Variants in BRME1 observed in about 807,000 individuals in gnomAD.
BRME1 encodes BRCA2 and MEILB2-associating protein 1.
A neutral mutation model predicts 52.6 loss-of-function variants in BRME1; 31 were observed. That is an observed-to-expected ratio of 0.59 (90% CI 0.44 to 0.80). BRME1 has a LOEUF of 0.80. Among genes scored for constraint, BRME1 ranks in the 30% least tolerant of loss-of-function variants. The pLI, the probability that BRME1 is intolerant of heterozygous loss-of-function variation, is 0.00. For synonymous variants in BRME1, 359 were observed against 353.6 expected (o/e 1.02, Z -0.17); for missense variants, 804 against 860.3 (o/e 0.93, Z 0.82).
At chr19:13,898,417 T>G (rs1444438430) in intron 2 of BRME1, among the ~76,000 whole-genome samples, 1 of 151,904 alleles carries the variant, frequency 6.6e-6, no homozygotes, top group Non-Finnish European at 1.5e-5. Flanking sequence ...AGGATCTCAC[T>G]TGGGTAACAC....
rs200223922 is a variant in BRME1 at position 13,899,590 on chromosome 19, GAACTGAGTGC to G, written c.32-4054_32-4045del. 4.9e-3 allele frequency among the ~76,000 whole-genome samples: 746 copies of G among 152,260 alleles called. 18 individuals carry two copies. The highest frequency in any genetic ancestry group is 0.035 in the Admixed American group (529 of 15,266). On this transcript the variant is annotated intron_variant, in intron 2 of 8. Coordinates refer to ENST00000586783, the MANE Select transcript of BRME1 (RefSeq NM_001345843.2). ...TACAGCTGGAGGATCTCCAGGGCAG[GAACTGAGTGC>G]AATGCACCCTTTGATCTCCCCTTCG...
At position 13,889,443 on chromosome 19, in the gene BRME1, C is replaced by G. The variant is rs1340873988; in HGVS notation, c.1413G>C (p.Glu471Asp). ...LGGQNLERDL[E>D]GFRVSPQASV... ...AGGCTTGCGGGGACACACGGAACCC[C>G]TCGAGGTCTCGTTCGAGGTTCTGGC... is the stretch of plus-strand genomic sequence containing the variant. Residue 471 changes from glutamate (E) to aspartate (D), a missense_variant, in exon 6 of 9, where the codon GAG becomes GAC. Coordinates refer to ENST00000586783, the MANE Select transcript of BRME1 (RefSeq NM_001345843.2). 2.5e-6 allele frequency: 4 copies of G among 1,613,900 alleles called. No individual in the cohort carries two copies. The highest frequency in any genetic ancestry group is 3.4e-6 in the Non-Finnish European group (4 of 1,180,044).
At chr19:13,902,097 C>A (rs1970334912) in intron 2 of BRME1, among the ~76,000 whole-genome samples, 1 of 151,078 alleles carries the variant, frequency 6.6e-6, no homozygotes, top group Non-Finnish European at 1.5e-5. Flanking sequence ...AATCCCAGCA[C>A]TTTGGCTGAG....
Position 13,890,491 on chromosome 19 carries a change from G to T in BRME1, c.394-29C>A, listed in dbSNP as rs750394425. The T allele has an allele frequency of 3.5e-5, 51 of 1,451,044 alleles. No homozygotes were observed. The African/African-American group carries it at 5.8e-4, about 17-fold the overall frequency. The allele number at this position is 1,451,044 out of a possible 1,614,324, so 89.9% of individuals were successfully genotyped here. On this transcript the variant is annotated intron_variant, in intron 5 of 8. Coordinates refer to ENST00000586783, the MANE Select transcript of BRME1 (RefSeq NM_001345843.2). ...TGGACAGAAAAAGACTCAGCCCCGGGGCCTTTGATAACCAAGTTCTCCGAA... is the reference window on the plus strand; with the variant it reads ...TGGACAGAAAAAGACTCAGCCCCGGTGCCTTTGATAACCAAGTTCTCCGAA...
chr19:13,893,205 T>C lies in BRME1; in HGVS notation c.225A>G (p.Thr75=). 1.9e-6 allele frequency: 3 copies of C among 1,585,860 alleles called. No homozygotes were observed. The highest frequency in any genetic ancestry group is 2.6e-6 in the Non-Finnish European group (3 of 1,167,310). Reference sequence around the variant, plus strand: ...GACGGAGGAGCCGGCAGGGAGATCCTGTTTCCTCATCAGGGGAGCTATGTA... The same window carrying C: ...GACGGAGGAGCCGGCAGGGAGATCCCGTTTCCTCATCAGGGGAGCTATGTA... ...KAVSSSPDEE[T]GSPCRLLRQP... The change falls in exon 4 of 9, where the codon ACA becomes ACG. Residue 75 remains threonine (T), a synonymous_variant. Transcript: ENST00000586783.
At chr19:13,891,224 A>G (rs1969479144) in intron 5 of BRME1, among the ~76,000 whole-genome samples, 1 of 151,150 alleles carries the variant, frequency 6.6e-6, no homozygotes, top group African/African-American at 2.4e-5. Context: ...ATCTTGGCTC[A>G]CTGCAACCCC....
chr19:13,901,439 C>T (rs1387512537), intron 2 of BRME1, among the ~76,000 whole-genome samples: 2 of 152,110 alleles, frequency 1.3e-5, no homozygotes, highest in African/African-American at 4.8e-5. Context: ...GGCACGGTGG[C>T]TCATGCCTGT....
intron 4 of BRME1, 91 bp from the exon 5 acceptor site, chr19:13,892,981 T>C: frequency 7.1e-7 from 1 of 1,403,802 alleles, no homozygotes; most frequent in East Asian, 2.3e-5. Flanking sequence ...GCTCCTTTCT[T>C]GTAGCCTTGA....
Position 13,883,003 on chromosome 19 carries a change from C to T in BRME1, c.1857-51G>A, listed in dbSNP as rs777901968. 1 of 1,584,366 alleles carries T rather than the reference C, an allele frequency of 6.3e-7. No individual in the cohort carries two copies. The highest frequency in any genetic ancestry group is 8.6e-7 in the Non-Finnish European group (1 of 1,167,050). ...GTGGGGCTCAGTGGTCACCAGGTGACAGAGGGGGCCGCGCCTCACAGCCAC... is the reference window on the plus strand; with the variant it reads ...GTGGGGCTCAGTGGTCACCAGGTGATAGAGGGGGCCGCGCCTCACAGCCAC... On this transcript the variant is annotated intron_variant, in intron 8 of 8. Transcript: ENST00000586783. The surrounding 1 kb of genome is among the most constrained non-coding windows in gnomAD (Gnocchi z 4.2).
At chr19:13,897,615 C>T (rs1969998595) in intron 2 of BRME1, among the ~76,000 whole-genome samples, 1 of 152,170 alleles carries the variant, frequency 6.6e-6, no homozygotes, top group Non-Finnish European at 1.5e-5. Context: ...CCTGTAATCC[C>T]AGGACTTTGG....
intron 2 of BRME1, among the ~76,000 whole-genome samples, chr19:13,898,571 C>A (rs1460342363): frequency 6.6e-6 from 1 of 151,548 alleles, no homozygotes; most frequent in Non-Finnish European, 1.5e-5. Flanking sequence ...GATTGTGCCA[C>A]TGCACTCTGG....
chr19:13,895,637 G>T, intron 2 of BRME1, 91 bp from the exon 3 acceptor site: 1 of 1,188,414 alleles, frequency 8.4e-7, no homozygotes. Flanking sequence ...CAACCAGGCT[G>T]CACGCGAGAA....
At position 13,901,515 on chromosome 19, in the gene BRME1, A is replaced by G. The variant is rs148370199; in HGVS notation, c.31+3347T>C. 3.3e-3 allele frequency among the ~76,000 whole-genome samples: 503 copies of G among 152,002 alleles called. 4 individuals carry two copies. The highest frequency in any genetic ancestry group is 0.012 in the African/African-American group (479 of 41,468). ...GGAGTTAGAGAGCAGCCTAGCCAAC[A>G]TGGTGAAACCCCGTCTCTACTAAAA... is the stretch of plus-strand genomic sequence containing the variant. On this transcript the variant is annotated intron_variant, in intron 2 of 8. Coordinates refer to ENST00000586783, the MANE Select transcript of BRME1 (RefSeq NM_001345843.2).
chr19:13,895,202 C>T (rs551573429), intron 3 of BRME1, among the ~76,000 whole-genome samples, 170 bp downstream of exon 3: 14 of 152,072 alleles, frequency 9.2e-5, no homozygotes, highest in Non-Finnish European at 1.9e-4. Flanking sequence ...TTCTTACCAG[C>T]GAGGAAAGCT....
intron 2 of BRME1, among the ~76,000 whole-genome samples, chr19:13,900,339 C>T (rs1320613524): frequency 6.6e-6 from 1 of 152,176 alleles, no homozygotes; most frequent in East Asian, 1.9e-4. Flanking sequence ...TTGTCCAGGG[C>T]CAGCCCAGAG....
At chr19:13,892,062 A>G (rs1255384996) in intron 5 of BRME1, among the ~76,000 whole-genome samples, 1 of 137,464 alleles carries the variant, frequency 7.3e-6, no homozygotes, top group East Asian at 2.2e-4. Flanking sequence ...GATAAGCAAG[A>G]CTCCATCTCA....
intron 2 of BRME1, among the ~76,000 whole-genome samples, chr19:13,904,016 T>G (rs760740715): frequency 2.0e-5 from 3 of 152,212 alleles, no homozygotes; most frequent in Non-Finnish European, 2.9e-5. Context: ...TCCTCTAAGC[T>G]GTGGGACCCC....
chr19:13,890,103 G>A lies in BRME1; in HGVS notation c.753C>T (p.Ala251=). ...DSEGEKPDRG[A]PQEGGAQRTA... The stretch of plus-strand genomic sequence containing the variant: ...TCCTTTGGGCCCCTCCCTCCTGGGG[G>A]GCTCCTCTGTCTGGCTTCTCCCCTT... Residue 251 remains alanine, a synonymous_variant, in exon 6 of 9, where the codon GCC becomes GCT. Transcript: ENST00000586783. 2 of 1,614,082 alleles carry A rather than the reference G, an allele frequency of 1.2e-6. No homozygotes were observed. Among genetic ancestry groups the A allele is most frequent in the South Asian group, 1.1e-5 (1 of 91,090 alleles).
At chr19:13,896,359 A>C (rs1969895832) in intron 2 of BRME1, among the ~76,000 whole-genome samples, 1 of 147,770 alleles carries the variant, frequency 6.8e-6, no homozygotes, top group African/African-American at 2.5e-5. Flanking sequence ...ATATAATTAT[A>C]ATGTATTTAC....
Sources: gnomAD v4.1 joint callset for allele counts (sites outside exome capture counted in the v4.1 genomes callset) on GRCh38, gnomAD v4.1.1 for gene constraint, Gnocchi (gnomAD v3.1) non-coding constraint, MANE v1.5 for transcripts, NCBI Gene and HGNC (gene_info 2026-07-23, HGNC 2026-07-21) for gene names.